The following ZNF831 variants were observed in gnomAD, a reference collection of about 807,000 sequenced individuals.
ZNF831 encodes the protein zinc finger protein 831.
In ZNF831, 59 loss-of-function variants were observed where a neutral mutation model predicts 95.8. That is an observed-to-expected ratio of 0.62 (90% CI 0.50 to 0.77). ZNF831 has a LOEUF of 0.77. ZNF831 is among the 30% of genes least tolerant of loss of function. The probability of loss-of-function intolerance (pLI) is 0.00; values close to 1 mark genes in which losing one functional copy is unlikely to be tolerated. For missense variants in ZNF831, 2,205 were observed against 2,164.0 expected (o/e 1.02, Z -0.38); for synonymous variants, 961 against 925.5 (o/e 1.04, Z -0.70).
rs554674598 is a variant in ZNF831, at chr20:59,189,754, G to A, written c.-36-1230G>A. On this transcript the variant is annotated intron_variant, in intron 1 of 5. Coordinates refer to ENST00000371030, the MANE Select transcript of ZNF831 (RefSeq NM_178457.3). ...TTGAACTCCTGACCTCAGGTGATCC[G>A]CCCGCCTCGGCCTCCCAAAGTGCTG... is the stretch of plus-strand genomic sequence containing the variant. Among the ~76,000 whole-genome samples the A allele has an allele frequency of 4.6e-5, 7 of 152,220 alleles. No homozygotes were observed. In the South Asian group the frequency reaches 8.3e-4, roughly 18 times the overall value.
intron 4 of ZNF831, among the ~76,000 whole-genome samples, chr20:59,248,129 G>A (rs796947669): frequency 2.6e-5 from 4 of 152,308 alleles, no homozygotes; most frequent in African/African-American, 7.2e-5. Context: ...AGAACAGCAC[G>A]GCACAGAGAG....
At chr20:59,138,490 G>A (rs1158175690) in intron 1 of ZNF831, among the ~76,000 whole-genome samples, 1 of 152,144 alleles carries the variant, frequency 6.6e-6, no homozygotes, top group Admixed American at 6.5e-5. Context: ...CTGCACTCTT[G>A]CTTGCTCTCT....
chr20:59,168,700 G>A (rs921917978), intron 1 of ZNF831, among the ~76,000 whole-genome samples: 4 of 152,066 alleles, frequency 2.6e-5, no homozygotes, highest in South Asian at 2.1e-4. Flanking sequence ...GTTTTTCACC[G>A]TTAAGTATAA....
rs2146551181 is a variant in ZNF831, at chr20:59,191,652, C to A, written c.633C>A (p.Gly211=). 1 of 1,562,182 alleles carries A rather than the reference C, an allele frequency of 6.4e-7. No individual in the cohort carries two copies. Among genetic ancestry groups the A allele is most frequent in the East Asian group, 2.3e-5 (1 of 44,414 alleles). ...CCTCAGAGTCCGAGGGCGCCGGGGG[C>A]GGCCTCCTGGAGGAAGGGGACAAGG... ...RLSSESEGAG[G]GLLEEGDKAG... The change falls in exon 2 of 6, where the codon GGC becomes GGA. Residue 211 remains glycine, a synonymous_variant. Transcript: ENST00000371030.
At position 59,204,024 on chromosome 20, in the gene ZNF831, C is replaced by T. The variant is rs151220951; in HGVS notation, c.3876-2881C>T. ...AGCATGAAACATTCAGAGACTTGTT[C>T]CTAGGAAGCTTCCAACAAATGGAAC... On this transcript the variant is annotated intron_variant, in intron 3 of 5. Transcript: ENST00000371030. Among the ~76,000 whole-genome samples, 226 of 152,240 alleles carry T rather than the reference C, an allele frequency of 1.5e-3. 1 individual carries two copies. Among genetic ancestry groups the T allele is most frequent in the African/African-American group, 4.7e-3 (196 of 41,534 alleles).
rs2146549614 is a variant in ZNF831 at position 59,191,555 on chromosome 20, T to A, written c.536T>A (p.Ile179Asn). The A allele has an allele frequency of 6.2e-7, 1 of 1,612,914 alleles. No homozygotes were observed. Residue 179 changes from isoleucine to asparagine, a missense_variant, in exon 2 of 6, where the codon ATC becomes AAC. Transcript: ENST00000371030. ...ERPFPCATCGIAFKTQSNLYK... is the reference protein window; with the variant it reads ...ERPFPCATCGNAFKTQSNLYK... ...CCCTTCCCGTGTGCCACCTGCGGCA[T>A]CGCCTTTAAGACCCAGAGCAATCTC... is the stretch of plus-strand genomic sequence containing the variant.
intron 4 of ZNF831, among the ~76,000 whole-genome samples, chr20:59,242,604 C>T (rs1345991887): frequency 6.6e-6 from 1 of 151,988 alleles, no homozygotes; most frequent in African/African-American, 2.4e-5. Context: ...TACCTTTTAT[C>T]AAAGAAATAA....
intron 3 of ZNF831, among the ~76,000 whole-genome samples, chr20:59,198,178 G>A (rs1984262238): frequency 6.6e-6 from 1 of 152,218 alleles, no homozygotes; most frequent in African/African-American, 2.4e-5. Context: ...GAGGCTTGGA[G>A]ATATCACTCC....
rs199765464 is a variant in ZNF831, at chr20:59,148,188, G to T, written c.-1281+1814G>T. ...TTCGTTTAGTTCCTAAGTCATTTGT[G>T]GTCGGCCCATCCAAGACAGGGACAC... On this transcript the variant is annotated intron_variant, in intron 2 of 7. Coordinates refer to the ZNF831 transcript ENST00000637017. Among the ~76,000 whole-genome samples the T allele has an allele frequency of 2.6e-5, 4 of 152,180 alleles. No homozygotes were observed. In the East Asian group the frequency reaches 7.7e-4, roughly 29 times the overall value.
rs2146583768 is a variant in ZNF831, at chr20:59,193,460, G to A, written c.2441G>A (p.Gly814Glu). Residue 814 changes from glycine (G) to glutamate (E), a missense_variant, in exon 2 of 6, where the codon GGG (glycine) becomes GAG (glutamate). By Grantham distance (98) the Gly-to-Glu change is moderately conservative. Coordinates refer to ENST00000371030, the MANE Select transcript of ZNF831 (RefSeq NM_178457.3). ...CTGAGATGGCCCAGCAGGGGCTCAG[G>A]GGAGGACAAGCTCCCCTCAGAGAGG... ...TVLRWPSRGSGEDKLPSERKK... is the reference protein window; with the variant it reads ...TVLRWPSRGSEEDKLPSERKK... 6.2e-7 allele frequency: 1 copy of A among 1,608,384 alleles called. No individual in the cohort carries two copies. The highest frequency in any genetic ancestry group is 1.1e-5 in the South Asian group (1 of 89,912).
At chr20:59,185,280 G>T (rs1457170094) in intron 1 of ZNF831, among the ~76,000 whole-genome samples, 1 of 152,150 alleles carries the variant, frequency 6.6e-6, no homozygotes, top group Non-Finnish European at 1.5e-5. Flanking sequence ...TGCCAGCAGG[G>T]ATCAGCTGTT....
At chr20:59,252,145 G>T (rs1006919735) in intron 4 of ZNF831, among the ~76,000 whole-genome samples, 9 of 152,182 alleles carry the variant, frequency 5.9e-5, no homozygotes, top group African/African-American at 1.7e-4. Context: ...AAAGTCAAAA[G>T]ACTCCCGAAT....
chr20:59,225,914 G>A (rs1474146498), intron 4 of ZNF831, among the ~76,000 whole-genome samples: 1 of 152,230 alleles, frequency 6.6e-6, no homozygotes, highest in African/African-American at 2.4e-5. Flanking sequence ...GGTAGCTCCA[G>A]CTGGATCCAG....
intron 4 of ZNF831, among the ~76,000 whole-genome samples, chr20:59,226,690 T>TA (rs1241001988): frequency 1.3e-5 from 2 of 151,052 alleles, no homozygotes; most frequent in African/African-American, 4.9e-5. Flanking sequence ...ATGTGTTACA[T>TA]AAAATCTTAG....
At chr20:59,239,788 G>A (rs1056998753) in intron 4 of ZNF831, among the ~76,000 whole-genome samples, 5 of 152,090 alleles carry the variant, frequency 3.3e-5, no homozygotes, top group African/African-American at 4.8e-5. Flanking sequence ...CAGGCGATCC[G>A]CCCACCTTGG....
intron 4 of ZNF831, among the ~76,000 whole-genome samples, 181 bp downstream of exon 4, chr20:59,207,237 G>A (rs1446129581): frequency 1.3e-5 from 2 of 152,182 alleles, no homozygotes; most frequent in Admixed American, 6.5e-5. Context: ...TAAACTAGTG[G>A]GGAGGGCATG....
intron 4 of ZNF831, among the ~76,000 whole-genome samples, chr20:59,233,043 CATAGAGAGAGAGAG>C (rs1986819032): frequency 7.4e-6 from 1 of 134,370 alleles, no homozygotes; most frequent in Non-Finnish European, 1.6e-5. Flanking sequence ...CACACACACA[CATAGAGAGAGAGAG>C]ACAGACAGAG....
intron 4 of ZNF831, among the ~76,000 whole-genome samples, chr20:59,227,990 T>C (rs1986521011): frequency 6.6e-6 from 1 of 152,226 alleles, no homozygotes; most frequent in Non-Finnish European, 1.5e-5. Context: ...ACATAGGTTA[T>C]AGTGATAATT....
intron 2 of ZNF831, among the ~76,000 whole-genome samples, chr20:59,150,502 G>A (rs1044904509): frequency 6.6e-5 from 10 of 152,058 alleles, no homozygotes; most frequent in South Asian, 6.2e-4. Context: ...TTATTTCTTC[G>A]AAATTCAAAT....
Sources: allele counts gnomAD v4.1 joint callset (sites outside exome capture counted in the v4.1 genomes callset), GRCh38; gene constraint gnomAD v4.1.1; transcripts MANE v1.5; gene names NCBI Gene and HGNC (gene_info 2026-07-23, HGNC 2026-07-21).